AGBL1: variants seen among roughly 807,000 people sequenced by gnomAD.
AGBL1 encodes AGBL carboxypeptidase 1, also known as cytosolic carboxypeptidase 4.
AGBL1 carries 130 observed loss-of-function variants against 118.9 expected under a neutral mutation model. That is an observed-to-expected ratio of 1.09 (90% confidence interval 0.95 to 1.26). The LOEUF is 1.26. AGBL1 is among the 50% of genes most tolerant of loss of function. The pLI is 0.00. For missense variants in AGBL1, 1,584 were observed against 1,298.1 expected (o/e 1.22, Z -3.38); for synonymous variants, 555 against 478.9 (o/e 1.16, Z -2.08).
At chr15:86,966,843 T>C (rs2081059244) in intron 23 of AGBL1, among the ~76,000 whole-genome samples, 1 of 152,164 alleles carries the variant, frequency 6.6e-6, no homozygotes, top group South Asian at 2.1e-4. Flanking sequence ...ATATACCCAG[T>C]AATGGGATTG....
intron 19 of AGBL1, among the ~76,000 whole-genome samples, chr15:86,526,824 T>C (rs1322056844): frequency 6.6e-6 from 1 of 151,924 alleles, no homozygotes; most frequent in Non-Finnish European, 1.5e-5. Context: ...GCATACAGAC[T>C]GGTATAATGG....
intron 16 of AGBL1, among the ~76,000 whole-genome samples, chr15:86,291,927 A>T (rs375623439): frequency 6.6e-6 from 1 of 152,160 alleles, no homozygotes; most frequent in African/African-American, 2.4e-5. Flanking sequence ...CCTCTGCTGG[A>T]TTTTTATTTA....
At chr15:86,869,218 G>C (rs1173137191) in intron 22 of AGBL1, among the ~76,000 whole-genome samples, 2 of 152,094 alleles carry the variant, frequency 1.3e-5, no homozygotes, top group East Asian at 3.9e-4. Flanking sequence ...GGAAAAGCTA[G>C]CATGGAGGTG....
intron 18 of AGBL1, among the ~76,000 whole-genome samples, chr15:86,480,099 G>T (rs951930228): frequency 5.5e-4 from 83 of 152,220 alleles, no homozygotes; most frequent in African/African-American, 1.9e-3. Flanking sequence ...GGTGGGGAGA[G>T]GGGGGAGGGA....
intron 18 of AGBL1, among the ~76,000 whole-genome samples, chr15:86,418,507 G>T (rs1173254570): frequency 1.3e-5 from 2 of 152,148 alleles, no homozygotes; most frequent in African/African-American, 2.4e-5. Context: ...TTTCCTAAGA[G>T]ACCCCATATT....
At chr15:86,254,446 C>G (rs928231896) in intron 7 of AGBL1, among the ~76,000 whole-genome samples, 1 of 152,224 alleles carries the variant, frequency 6.6e-6, no homozygotes, top group African/African-American at 2.4e-5. Context: ...GAGCAGTTTG[C>G]TCTTACTTTA....
At chr15:86,974,115 T>G (rs1407317365) in intron 23 of AGBL1, among the ~76,000 whole-genome samples, 43 of 53,792 alleles carry the variant, frequency 8.0e-4, no homozygotes, top group African/African-American at 2.9e-3. Flanking sequence ...TTTTAATATA[T>G]TAAATATAAA....
chr15:86,931,858 CT>C (rs1386175674), intron 23 of AGBL1, among the ~76,000 whole-genome samples: 1 of 152,066 alleles, frequency 6.6e-6, no homozygotes, highest in Non-Finnish European at 1.5e-5. Context: ...TTTGCAGAAT[CT>C]TTATTTGAAT....
intron 22 of AGBL1, among the ~76,000 whole-genome samples, chr15:86,692,207 A>C (rs967005252): frequency 6.6e-6 from 1 of 151,956 alleles, no homozygotes; most frequent in African/African-American, 2.4e-5. Context: ...CAAAAAAACC[A>C]AAAAAGCTGA....
chr15:86,924,946 A>T (rs2080515664), intron 23 of AGBL1, among the ~76,000 whole-genome samples: 1 of 151,856 alleles, frequency 6.6e-6, no homozygotes, highest in African/African-American at 2.4e-5. Context: ...AAATTTAAAA[A>T]TTAAACTTAG....
intron 22 of AGBL1, among the ~76,000 whole-genome samples, chr15:86,765,258 C>G (rs1210001008): frequency 6.6e-6 from 1 of 151,844 alleles, no homozygotes; most frequent in Non-Finnish European, 1.5e-5. Flanking sequence ...AAAAAATATG[C>G]TTTTTCCAAC....
intron 22 of AGBL1, among the ~76,000 whole-genome samples, chr15:86,894,047 C>G (rs972933044): frequency 6.6e-6 from 1 of 152,174 alleles, no homozygotes; most frequent in Non-Finnish European, 1.5e-5. Context: ...TGCCCCTACA[C>G]CATGACTCTC....
chr15:86,181,388 T>C (rs1279424570), intron 5 of AGBL1, among the ~76,000 whole-genome samples: 4 of 152,060 alleles, frequency 2.6e-5, no homozygotes, highest in Non-Finnish European at 1.5e-5. Context: ...AAAATAATTA[T>C]GCTGAATGAA....
chr15:86,184,175 C>T (rs933680212), intron 5 of AGBL1, among the ~76,000 whole-genome samples: 12 of 152,084 alleles, frequency 7.9e-5, no homozygotes, highest in Non-Finnish European at 1.8e-4. Context: ...TTGGGAGAAC[C>T]CAAATATTGA....
At chr15:86,225,225 G>A (rs993185371) in intron 6 of AGBL1, among the ~76,000 whole-genome samples, 2 of 151,842 alleles carry the variant, frequency 1.3e-5, no homozygotes, top group Non-Finnish European at 2.9e-5. Flanking sequence ...GGACCCTAAA[G>A]GGGGTATATT....
chr15:86,554,711 A>C (rs541869870), intron 21 of AGBL1, among the ~76,000 whole-genome samples, 174 bp downstream of exon 21: 2 of 152,140 alleles, frequency 1.3e-5, no homozygotes, highest in South Asian at 2.1e-4. Flanking sequence ...AGGATCATCT[A>C]TCTTGATCCT....
intron 17 of AGBL1, among the ~76,000 whole-genome samples, chr15:86,314,492 A>C (rs2141830255): frequency 6.6e-6 from 1 of 152,302 alleles, no homozygotes; most frequent in South Asian, 2.1e-4. Flanking sequence ...GAAGGATGAA[A>C]TTTAAGGAGC....
intron 24 of AGBL1, among the ~76,000 whole-genome samples, chr15:87,006,189 C>T (rs897723712): frequency 4.6e-5 from 7 of 152,206 alleles, no homozygotes; most frequent in Non-Finnish European, 8.8e-5. Flanking sequence ...TCTCCAGCTG[C>T]ATGCTGGGAG....
intron 22 of AGBL1, among the ~76,000 whole-genome samples, chr15:86,684,621 C>T (rs528040422): frequency 7.2e-5 from 11 of 152,020 alleles, no homozygotes; most frequent in African/African-American, 2.6e-4. Context: ...ACACCTGACC[C>T]GTAGCATAGT....
Sources: allele counts gnomAD v4.1 joint callset (sites outside exome capture counted in the v4.1 genomes callset), GRCh38; gene constraint gnomAD v4.1.1; transcripts MANE v1.5; gene names NCBI Gene and HGNC (gene_info 2026-07-23, HGNC 2026-07-21).